The following SATB2 variants were observed in gnomAD, a reference collection of about 807,000 sequenced individuals.
The protein encoded by SATB2 is SATB homeobox 2.
Under a neutral mutation model 73.4 loss-of-function variants are expected in SATB2, and 1 was observed. The observed-to-expected ratio is 0.01, with a 90% CI of 0.00 to 0.06. SATB2 has a LOEUF of 0.06. Ranked by LOEUF, SATB2 falls within the 10% of genes least tolerant of loss-of-function variation. The probability of loss-of-function intolerance (pLI) is 1.00; values close to 1 mark genes in which losing one functional copy is unlikely to be tolerated. For missense variants in SATB2, 459 were observed against 945.8 expected, an observed-to-expected ratio of 0.49 and a Z score of 6.75; for synonymous variants, 397 against 367.0, an observed-to-expected ratio of 1.08 and a Z score of -0.93.
intron 7 of SATB2, among the ~76,000 whole-genome samples, chr2:199,339,487 A>G (rs150757041): frequency 0.012 from 1,903 of 152,278 alleles, 20 homozygotes; most frequent in South Asian, 0.018. Context: ...TCAAAACTCA[A>G]TAACGGGTTC....
At chr2:199,304,785 G>T (rs1433396216) in intron 10 of SATB2, among the ~76,000 whole-genome samples, 1 of 152,114 alleles carries the variant, frequency 6.6e-6, no homozygotes, top group East Asian at 1.9e-4. Context: ...AGAGAAACCT[G>T]GATAAACCAG....
intron 6 of SATB2, among the ~76,000 whole-genome samples, chr2:199,363,792 A>G (rs1275594820): frequency 1.3e-5 from 2 of 152,210 alleles, no homozygotes; most frequent in African/African-American, 4.8e-5. Context: ...GTAAATATGT[A>G]TACAATATTC....
intron 8 of SATB2, among the ~76,000 whole-genome samples, chr2:199,327,088 A>G (rs1377838458): frequency 6.6e-6 from 1 of 152,194 alleles, no homozygotes; most frequent in African/African-American, 2.4e-5. Context: ...CAAAGCTATA[A>G]TATCTAAGCA....
chr2:199,285,285 G>A (rs141994213), intron 10 of SATB2, among the ~76,000 whole-genome samples: 26 of 152,184 alleles, frequency 1.7e-4, no homozygotes, highest in Middle Eastern at 3.4e-3. Context: ...CTTAGAGAAA[G>A]AGTGTAGGAG....
chr2:199,305,463 T>C (rs180844562), intron 10 of SATB2, among the ~76,000 whole-genome samples: 2 of 152,196 alleles, frequency 1.3e-5, no homozygotes, highest in Non-Finnish European at 2.9e-5. Context: ...AGTTTACCTA[T>C]GTAATGAACC....
Position 199,355,348 on chromosome 2 carries a change from C to CTATATATATATATATATATATATA in SATB2, c.701-6199_701-6176dup, listed in dbSNP as rs72202602. ...TATGTGTGTGTGTGTGTGTGTGTAT[C>CTATATATATATATATATATATATA]TATATATATATATATATATATATAT... On this transcript the variant is annotated intron_variant, in intron 6 of 10. Transcript: ENST00000417098. Among the ~76,000 whole-genome samples, 3 of 134,186 alleles carry CTATATATATATATATATATATATA rather than the reference C, an allele frequency of 2.2e-5. 1 individual carries two copies. Among genetic ancestry groups the CTATATATATATATATATATATATA allele is most frequent in the Non-Finnish European group, 3.1e-5 (2 of 63,816 alleles). The allele number at this position is 134,186 out of a possible 152,430, so 88.0% of individuals were successfully genotyped here. A position where few individuals can be genotyped will look rare whatever the true frequency, so the allele number is the denominator to read the frequency against.
intron 10 of SATB2, among the ~76,000 whole-genome samples, chr2:199,285,453 C>T (rs1217850762): frequency 6.6e-6 from 1 of 152,058 alleles, no homozygotes; most frequent in African/African-American, 2.4e-5. Flanking sequence ...AATGATGTTA[C>T]TTAAGTTGGC....
chr2:199,339,089 T>C (rs534424063), intron 7 of SATB2, among the ~76,000 whole-genome samples: 8 of 152,266 alleles, frequency 5.3e-5, no homozygotes, highest in Non-Finnish European at 8.8e-5. Context: ...TTGCATATGT[T>C]TGACAGCTGC....
intron 6 of SATB2, among the ~76,000 whole-genome samples, chr2:199,366,277 C>T (rs1477876650): frequency 2.0e-5 from 3 of 152,034 alleles, no homozygotes; most frequent in Non-Finnish European, 2.9e-5. Context: ...GAATTCATTG[C>T]CTTTTTTTCA....
intron 3 of SATB2, among the ~76,000 whole-genome samples, chr2:199,382,570 C>A (rs1200025424): frequency 6.6e-6 from 1 of 152,062 alleles, no homozygotes; most frequent in Admixed American, 6.5e-5. Flanking sequence ...CGTAGAACAG[C>A]AATTTTAGGA....
At chr2:199,440,169 A>G (rs887158235) in intron 2 of SATB2, among the ~76,000 whole-genome samples, 1 of 152,202 alleles carries the variant, frequency 6.6e-6, no homozygotes, top group Admixed American at 6.5e-5. Flanking sequence ...AAATAGAAAG[A>G]AAGAATAGGG....
intron 2 of SATB2, among the ~76,000 whole-genome samples, chr2:199,440,539 A>G (rs577464491): frequency 2.8e-4 from 42 of 152,312 alleles, no homozygotes; most frequent in African/African-American, 8.2e-4. Flanking sequence ...AATTTCACCA[A>G]TTTTAAAGGA....
rs1357488965 is a variant in SATB2 at position 199,272,687 on chromosome 2, A to AG, written c.1741-16dup. 1.2e-6 allele frequency: 2 copies of AG among 1,609,470 alleles called. No homozygotes were observed. The highest frequency in any genetic ancestry group is 1.7e-6 in the Non-Finnish European group (2 of 1,175,768). On this transcript the variant is annotated splice_polypyrimidine_tract_variant and intron_variant, in intron 10 of 10. Coordinates refer to ENST00000417098, the MANE Select transcript of SATB2 (RefSeq NM_001172509.2). The surrounding 1 kb of genome is among the most constrained non-coding windows in gnomAD (Gnocchi z 6.7). ...CTATGAAGTACCTGATAATTAAGAG[A>AG]GAAAAAAATGAACACTGGACTCATG...
At chr2:199,351,666 T>C (rs1688823733) in intron 6 of SATB2, among the ~76,000 whole-genome samples, 1 of 152,038 alleles carries the variant, frequency 6.6e-6, no homozygotes, top group African/African-American at 2.4e-5. Context: ...CATAATTTCC[T>C]CACTGAAAAA....
At chr2:199,421,931 G>A (rs917094624) in intron 3 of SATB2, among the ~76,000 whole-genome samples, 3 of 152,142 alleles carry the variant, frequency 2.0e-5, no homozygotes, top group Admixed American at 1.3e-4. Flanking sequence ...AAATGTTGAC[G>A]TAAATTACTC....
At chr2:199,364,542 T>C (rs900961327) in intron 6 of SATB2, among the ~76,000 whole-genome samples, 1 of 152,156 alleles carries the variant, frequency 6.6e-6, no homozygotes, top group Non-Finnish European at 1.5e-5. Flanking sequence ...AATCAGACGG[T>C]TCTTGGGCAA....
chr2:199,400,001 A>C (rs981786866), intron 3 of SATB2, among the ~76,000 whole-genome samples: 3 of 152,192 alleles, frequency 2.0e-5, no homozygotes, highest in Non-Finnish European at 4.4e-5. Context: ...ACTGGGATCC[A>C]AGTCTGCCTG....
intron 2 of SATB2, among the ~76,000 whole-genome samples, chr2:199,449,041 T>C (rs1692049599): frequency 6.6e-6 from 1 of 152,216 alleles, no homozygotes; most frequent in African/African-American, 2.4e-5. Flanking sequence ...CTGATAACTT[T>C]ATTGCAAGTT....
chr2:199,289,191 C>T (rs1447006637), intron 10 of SATB2, among the ~76,000 whole-genome samples: 1 of 134,470 alleles, frequency 7.4e-6, no homozygotes, highest in African/African-American at 2.6e-5. Flanking sequence ...AATGATCTTA[C>T]TACCTGAAAC....
Sources: gnomAD v4.1 joint callset for allele counts (sites outside exome capture counted in the v4.1 genomes callset) on GRCh38, gnomAD v4.1.1 for gene constraint, Gnocchi (gnomAD v3.1) non-coding constraint, MANE v1.5 for transcripts, NCBI Gene and HGNC (gene_info 2026-07-23, HGNC 2026-07-21) for gene names.